The following MYB variants were observed in gnomAD, a reference collection of about 807,000 sequenced individuals.
MYB encodes the protein transcriptional activator Myb.
In MYB, 28 loss-of-function variants were observed where a neutral mutation model predicts 92.9. That is an observed-to-expected ratio of 0.30 (90% CI 0.22 to 0.41). The LOEUF is 0.41. Among genes scored for constraint, MYB ranks in the 10% least tolerant of loss-of-function variants. MYB has a pLI of 1.00. For missense variants in MYB, 679 were observed against 929.3 expected, an observed-to-expected ratio of 0.73 and a Z score of 3.50; for synonymous variants, 295 against 329.1, an observed-to-expected ratio of 0.90 and a Z score of 1.12.
chr6:135,196,859 G>A, intron 9 of MYB, 102 bp from the exon 10 acceptor site: 2 of 1,587,684 alleles, frequency 1.3e-6, no homozygotes, highest in African/African-American at 1.3e-5. Flanking sequence ...CAAACCAACG[G>A]GCCTAGTGTT....
chr6:135,186,141 A>G, intron 2 of MYB, 121 bp downstream of exon 2: 1 of 753,198 alleles, frequency 1.3e-6, no homozygotes, highest in South Asian at 1.7e-5. Context: ...ATCTTATCCT[A>G]GCCCGCATGT....
chr6:135,189,475 A>G (rs749196581), intron 3 of MYB, among the ~76,000 whole-genome samples: 1 of 152,218 alleles, frequency 6.6e-6, no homozygotes, highest in Non-Finnish European at 1.5e-5. Flanking sequence ...GCCTCAGGCT[A>G]TGTAGATACT....
chr6:135,209,117 A>G (rs1779371433), intron 15 of MYB, among the ~76,000 whole-genome samples: 1 of 152,244 alleles, frequency 6.6e-6, no homozygotes, highest in South Asian at 2.1e-4. Context: ...TCTTACTGGA[A>G]TCAGCCATTT....
In MYB at chr6:135,218,694, A is replaced by G; in HGVS notation, c.*714A>G. 1 of 193,894 alleles carries G rather than the reference A, an allele frequency of 5.2e-6. No individual in the cohort carries two copies. 12.0% of individuals were successfully genotyped at this position (193,894 alleles called of 1,614,324 possible). On this transcript the variant is annotated 3_prime_UTR_variant, in exon 16 of 16. Coordinates refer to ENST00000341911, the MANE Select transcript of MYB (RefSeq NM_001130173.2). Reference sequence around the variant, plus strand: ...GTATCAGAGGGGCAGTAGAGCTTGGACAGAAAGAAAAGAAACTTGGTGTTA... The same window carrying G: ...GTATCAGAGGGGCAGTAGAGCTTGGGCAGAAAGAAAAGAAACTTGGTGTTA...
chr6:135,200,290 C>T lies in MYB; in HGVS notation c.1825C>T (p.Pro609Ser), dbSNP rs1176411413. 2.5e-6 allele frequency: 4 copies of T among 1,613,860 alleles called. No homozygotes were observed. The highest frequency in any genetic ancestry group is 1.1e-5 in the South Asian group (1 of 91,076). ...EIKYGPLKML[P>S]QTPSHLVEDL... ...CAAAAATACCCACTCTTCCGTTTAG[C>T]CTCAGACACCCTCTCATCTAGTAGA... is the stretch of plus-strand genomic sequence containing the variant. The change falls in exon 13 of 16, where the codon CCT (proline) becomes TCT (serine). Residue 609 changes from proline to serine, a missense_variant and splice_region_variant. Coordinates refer to ENST00000341911, the MANE Select transcript of MYB (RefSeq NM_001130173.2).
Position 135,203,562 on chromosome 6 carries a change from G to T in MYB, c.2169+238G>T. 3 of 716,736 alleles carry T rather than the reference G, an allele frequency of 4.2e-6. No individual in the cohort carries two copies. In the South Asian group the frequency reaches 6.0e-5, roughly 14 times the overall value. The allele number at this position is 716,736 out of a possible 1,614,324, so 44.4% of individuals were successfully genotyped here. On this transcript the variant is annotated intron_variant, in intron 15 of 15. Transcript: ENST00000341911. ...TTTTTATCAGTGCAGATTCCCCAAA[G>T]CATGATGAAATGAAACATTTCTTAC...
chr6:135,215,545 T>C (rs1226237027), intron 15 of MYB, among the ~76,000 whole-genome samples: 1 of 152,190 alleles, frequency 6.6e-6, no homozygotes, highest in Non-Finnish European at 1.5e-5. Context: ...ACAGGTGTTT[T>C]GTGTGAGAAT....
At chr6:135,204,015 GCCCAATAC>G (rs1778508190) in intron 15 of MYB, 1 of 532,328 alleles carries the variant, frequency 1.9e-6, no homozygotes, top group South Asian at 2.9e-5. Flanking sequence ...ACATTAAATA[GCCCAATAC>G]CCAGCCACCT....
At chr6:135,214,199 T>C (rs1236117658) in intron 15 of MYB, among the ~76,000 whole-genome samples, 2 of 151,712 alleles carry the variant, frequency 1.3e-5, no homozygotes, top group Admixed American at 1.3e-4. Flanking sequence ...GGAGGCTTGC[T>C]TGAGGCCAGG....
At chr6:135,192,761 A>T (rs534397394) in intron 6 of MYB, among the ~76,000 whole-genome samples, 26 of 152,324 alleles carry the variant, frequency 1.7e-4, no homozygotes, top group Admixed American at 2.6e-4. Context: ...GAGGATGGTA[A>T]GCGCTTTGCC....
At chr6:135,206,205 C>CAAAAAAAAAAAAAAAAAAAAA (rs67836018) in intron 15 of MYB, among the ~76,000 whole-genome samples, 1 of 87,364 alleles carries the variant, frequency 1.1e-5, no homozygotes, top group Non-Finnish European at 2.2e-5. Flanking sequence ...GACTCCATCT[C>CAAAAAAAAAAAAAAAAAAAAA]AAAAAAAAAA....
chr6:135,207,566 T>C (rs575721967), intron 15 of MYB, among the ~76,000 whole-genome samples: 2 of 152,214 alleles, frequency 1.3e-5, no homozygotes, highest in Non-Finnish European at 2.9e-5. Context: ...AACGTACATA[T>C]AAATGCACAT....
At chr6:135,203,167 C>G (rs931326930) in intron 14 of MYB, 50 bp from the exon 15 acceptor site, 7 of 1,335,446 alleles carry the variant, frequency 5.2e-6, no homozygotes, top group African/African-American at 4.4e-5. Context: ...AAATGTGGCT[C>G]TCATATTATC....
At chr6:135,193,355 C>T (rs1776876851) in intron 6 of MYB, among the ~76,000 whole-genome samples, 1 of 152,156 alleles carries the variant, frequency 6.6e-6, no homozygotes, top group African/African-American at 2.4e-5. Flanking sequence ...TTTTATTCTT[C>T]TCTGTCCATG....
chr6:135,191,284 C>T (rs1776594323), intron 5 of MYB, among the ~76,000 whole-genome samples: 2 of 152,074 alleles, frequency 1.3e-5, no homozygotes, highest in Admixed American at 6.5e-5. Flanking sequence ...TCATTTTGTC[C>T]CATTTTTCCC....
intron 15 of MYB, among the ~76,000 whole-genome samples, chr6:135,209,514 G>A (rs189934291): frequency 8.9e-4 from 135 of 152,272 alleles, no homozygotes; most frequent in African/African-American, 2.7e-3. Flanking sequence ...GATTACAGGC[G>A]TGAGCTGCCA....
intron 10 of MYB, among the ~76,000 whole-genome samples, chr6:135,198,349 CAGG>C (rs1562379359): frequency 6.6e-6 from 1 of 152,058 alleles, no homozygotes; most frequent in Non-Finnish European, 1.5e-5. Context: ...TGTGAATTTC[CAGG>C]AGGAGATTAT....
At chr6:135,200,546 T>C (rs774456904) in intron 13 of MYB, 131 bp downstream of exon 13, 17 of 1,386,138 alleles carry the variant, frequency 1.2e-5, no homozygotes, top group Non-Finnish European at 7.1e-6. Context: ...TCATACAAGG[T>C]GCAGCGAAAA....
chr6:135,185,402 ACTT>A (rs1254508474), intron 1 of MYB, among the ~76,000 whole-genome samples: 1 of 152,124 alleles, frequency 6.6e-6, no homozygotes, highest in African/African-American at 2.4e-5. Context: ...GCGCTGTACT[ACTT>A]CTTGATTTTT....
Sources: allele counts gnomAD v4.1 joint callset (sites outside exome capture counted in the v4.1 genomes callset), GRCh38; gene constraint gnomAD v4.1.1; transcripts MANE v1.5; gene names NCBI Gene and HGNC (gene_info 2026-07-23, HGNC 2026-07-21).